UBR1: variants seen among roughly 807,000 people sequenced by gnomAD.
The protein encoded by UBR1 is ubiquitin protein ligase E3 component n-recognin 1.
UBR1 carries 102 observed loss-of-function variants against 242.1 expected under a neutral mutation model. That is an observed-to-expected ratio of 0.42 (90% confidence interval 0.36 to 0.50). The LOEUF is 0.50. UBR1 is among the 20% of genes least tolerant of loss of function. The pLI is 0.01. For missense variants in UBR1, 1,772 were observed against 2,101.8 expected (o/e 0.84, Z 3.07); for synonymous variants, 675 against 684.8 (o/e 0.99, Z 0.22).
At chr15:42,987,711 CAAAA>C (rs35169116) in intron 35 of UBR1, among the ~76,000 whole-genome samples, 3 of 54,634 alleles carry the variant, frequency 5.5e-5, no homozygotes, top group South Asian at 8.8e-4. Flanking sequence ...GACTCTGTCT[CAAAA>C]AAAAAAAAAA....
At chr15:43,076,990 C>T (rs2033911730) in intron 3 of UBR1, among the ~76,000 whole-genome samples, 1 of 92,434 alleles carries the variant, frequency 1.1e-5, no homozygotes, top group African/African-American at 3.8e-5. Flanking sequence ...AGTGAGGAGC[C>T]CCTCTGCCTG....
At chr15:43,023,524 A>T (rs1323559931) in intron 25 of UBR1, among the ~76,000 whole-genome samples, 1 of 141,018 alleles carries the variant, frequency 7.1e-6, no homozygotes, top group East Asian at 2.2e-4. Context: ...CCAGAGGCGG[A>T]AGTTGCAGTG....
chr15:43,006,721 A>T (rs1204563289), intron 30 of UBR1, among the ~76,000 whole-genome samples: 1 of 152,254 alleles, frequency 6.6e-6, no homozygotes, highest in Non-Finnish European at 1.5e-5. Flanking sequence ...TAAATTCAGA[A>T]TGTGACACAT....
intron 40 of UBR1, among the ~76,000 whole-genome samples, chr15:42,969,690 C>T (rs1000541316): frequency 6.6e-6 from 1 of 152,090 alleles, no homozygotes; most frequent in East Asian, 1.9e-4. Flanking sequence ...CACAAGCATC[C>T]CTATACACCA....
intron 44 of UBR1, among the ~76,000 whole-genome samples, chr15:42,957,163 A>G (rs2031934129): frequency 6.6e-6 from 1 of 152,242 alleles, no homozygotes. Context: ...AAACTCTTAT[A>G]TATACATACA....
chr15:42,997,406 C>T (rs931567693), intron 33 of UBR1, among the ~76,000 whole-genome samples: 2 of 152,316 alleles, frequency 1.3e-5, no homozygotes, highest in Admixed American at 1.3e-4. Flanking sequence ...ATGTAATGCA[C>T]TTGAATCATC....
chr15:42,999,120 T>C (rs1199156624), intron 32 of UBR1, among the ~76,000 whole-genome samples: 3 of 152,138 alleles, frequency 2.0e-5, no homozygotes, highest in Non-Finnish European at 4.4e-5. Flanking sequence ...TTTGTATTTT[T>C]AGCAGAGACA....
chr15:43,059,413 C>T (rs891795945), intron 8 of UBR1, among the ~76,000 whole-genome samples: 2 of 151,990 alleles, frequency 1.3e-5, no homozygotes, highest in Non-Finnish European at 2.9e-5. Context: ...TTTCCTATAA[C>T]ATGTGAAAAG....
intron 1 of UBR1, among the ~76,000 whole-genome samples, chr15:43,089,190 C>T (rs368852128): frequency 5.0e-5 from 7 of 140,200 alleles, no homozygotes; most frequent in East Asian, 2.2e-4. Context: ...TGAGATAATA[C>T]GCCCATTTAA....
chr15:42,991,744 A>T (rs1809344510), intron 33 of UBR1, among the ~76,000 whole-genome samples: 1 of 151,894 alleles, frequency 6.6e-6, no homozygotes, highest in Admixed American at 6.6e-5. Context: ...CCAGTCTAGT[A>T]TATGTATTTT....
chr15:43,075,852 T>G (rs1341232978), intron 3 of UBR1, among the ~76,000 whole-genome samples: 1 of 151,946 alleles, frequency 6.6e-6, no homozygotes, highest in Non-Finnish European at 1.5e-5. Flanking sequence ...CGACCTCAGG[T>G]GATCCGCCCG....
intron 45 of UBR1, among the ~76,000 whole-genome samples, chr15:42,951,121 C>G (rs1006025917): frequency 2.0e-5 from 3 of 152,162 alleles, no homozygotes; most frequent in Non-Finnish European, 4.4e-5. Flanking sequence ...GTAACAGAAA[C>G]TGTGTTACAT....
chr15:43,012,001 C>T (rs539472259), intron 29 of UBR1: 32 of 431,488 alleles, frequency 7.4e-5, no homozygotes, highest in East Asian at 5.1e-4. Context: ...CCGAGGTGGG[C>T]GGATCATGAG....
At chr15:43,059,979 A>G in intron 7 of UBR1, 73 bp downstream of exon 7, 3 of 1,579,862 alleles carry the variant, frequency 1.9e-6, no homozygotes, top group Non-Finnish European at 2.6e-6. Flanking sequence ...CATCACTCAA[A>G]TTATTCTACT....
Position 42,945,367 on chromosome 15 carries a change from T to C in UBR1, c.5212A>G (p.Asn1738Asp). 6.2e-7 allele frequency: 1 copy of C among 1,614,200 alleles called. No homozygotes were observed. The highest frequency in any genetic ancestry group is 8.5e-7 in the Non-Finnish European group (1 of 1,180,036). ...IEEIARSQET[N>D]QMLFGFNWQL... is the part of the protein sequence containing the mutation. ...CAGTTGAATCCAAATAACATCTGAT[T>C]AGTCTCTTGGCTCCTAGCAATCTCT... The change falls in exon 47 of 47, where the codon AAT (asparagine) becomes GAT (aspartate). Residue 1738 changes from asparagine to aspartate, a missense_variant. Asn to Asp is a conservative substitution (Grantham distance 23). This residue lies in a region of UBR1 where 965 missense variants were observed against 1,079.7 expected (regional missense o/e 0.89). Coordinates refer to ENST00000290650, the MANE Select transcript of UBR1 (RefSeq NM_174916.3).
chr15:43,086,279 G>T (rs376807205), intron 1 of UBR1, 39 bp from the exon 2 acceptor site: 181 of 1,610,312 alleles, frequency 1.1e-4, no homozygotes, highest in Non-Finnish European at 1.4e-4. Context: ...TGACTTACAA[G>T]TTCCTTCTTA....
chr15:43,047,048 G>T, intron 14 of UBR1, 113 bp downstream of exon 14: 1 of 1,242,368 alleles, frequency 8.0e-7, no homozygotes, highest in Non-Finnish European at 1.1e-6. Flanking sequence ...TATGTAAAAA[G>T]CTACTATAAA....
intron 27 of UBR1, among the ~76,000 whole-genome samples, chr15:43,019,581 G>GTTTT (rs1248631700): frequency 1.5e-5 from 2 of 135,526 alleles, no homozygotes; most frequent in Non-Finnish European, 3.2e-5. Flanking sequence ...CTGGCTTCAG[G>GTTTT]TTTTTTTTTT....
At chr15:43,100,394 T>G (rs1022173144) in intron 1 of UBR1, among the ~76,000 whole-genome samples, 2 of 152,190 alleles carry the variant, frequency 1.3e-5, no homozygotes, top group African/African-American at 4.8e-5. Context: ...GCCACTACCC[T>G]AACATGCCGG....
Sources: allele counts gnomAD v4.1 joint callset (sites outside exome capture counted in the v4.1 genomes callset), GRCh38; gene constraint gnomAD v4.1.1; regional missense constraint gnomAD v4.1.1; transcripts MANE v1.5; gene names NCBI Gene and HGNC (gene_info 2026-07-23, HGNC 2026-07-21).